Variants in RPIA observed in about 807,000 individuals in gnomAD.
RPIA encodes the protein ribose-5-phosphate isomerase.
A neutral mutation model predicts 37.8 loss-of-function variants in RPIA; 29 were observed. The observed-to-expected ratio is 0.77, with a 90% confidence interval of 0.57 to 1.05. The LOEUF (loss-of-function observed/expected upper bound fraction) is 1.05, where lower values mean the gene tolerates loss of function less well. Among genes scored for constraint, RPIA ranks in the 50% least tolerant of loss-of-function variants. The probability of loss-of-function intolerance (pLI) is 0.00; values close to 1 mark genes in which losing one functional copy is unlikely to be tolerated. For missense variants in RPIA, 385 were observed against 413.6 expected (o/e 0.93, Z 0.60); for synonymous variants, 167 against 157.0 (o/e 1.06, Z -0.48).
At chr2:88,707,657 A>G (rs1672913970) in intron 3 of RPIA, among the ~76,000 whole-genome samples, 1 of 152,234 alleles carries the variant, frequency 6.6e-6, no homozygotes, top group African/African-American at 2.4e-5. Context: ...CAGTTTCATT[A>G]GAATTGTGTA....
Position 88,703,668 on chromosome 2 carries a change from A to G in RPIA, c.402+3604A>G, listed in dbSNP as rs184732082. On this transcript the variant is annotated intron_variant, in intron 3 of 8. Transcript: ENST00000283646. ...CCTAGGCCTCCAGGTGTGTGATGGG[A>G]GGGGCTTCCATGAAGACCTCTGACA... Among the ~76,000 whole-genome samples, 374 of 152,282 alleles carry G rather than the reference A, an allele frequency of 2.5e-3. 1 individual carries two copies. The highest frequency in any genetic ancestry group is 8.5e-3 in the African/African-American group (354 of 41,550).
At chr2:88,739,651 T>C (rs912734247) in intron 8 of RPIA, among the ~76,000 whole-genome samples, 6 of 152,218 alleles carry the variant, frequency 3.9e-5, no homozygotes, top group Admixed American at 1.3e-4. Context: ...AGGGTCTCGC[T>C]CTGTCACCCA....
chr2:88,728,040 TTG>T (rs1673219750), intron 3 of RPIA, among the ~76,000 whole-genome samples: 2 of 152,348 alleles, frequency 1.3e-5, no homozygotes, highest in Middle Eastern at 6.8e-3. Context: ...CCCCTGAATC[TTG>T]TTATTTAGAA....
In RPIA at chr2:88,721,561, ACACACACACACC is replaced by A. The variant is rs1188077899; in HGVS notation, c.403-7715_403-7704del. Among the ~76,000 whole-genome samples the A allele has an allele frequency of 2.4e-3, 165 of 67,820 alleles. 2 individuals carry two copies. The highest frequency in any genetic ancestry group is 7.8e-3 in the African/African-American group (150 of 19,258). 44.5% of individuals were successfully genotyped at this position (67,820 alleles called of 152,430 possible). On this transcript the variant is annotated intron_variant, in intron 3 of 8. Coordinates refer to ENST00000283646, the MANE Select transcript of RPIA (RefSeq NM_144563.3). The stretch of plus-strand genomic sequence containing the variant: ...ATATATTATACACACACACACACAC[ACACACACACACC>A]CCCCCCCCCACATGCACACATGTTT...
At chr2:88,730,309 T>C (rs1340247539) in intron 4 of RPIA, among the ~76,000 whole-genome samples, 1 of 99,516 alleles carries the variant, frequency 1.0e-5, no homozygotes, top group African/African-American at 9.0e-5. Flanking sequence ...TGATGAACAT[T>C]GATGCAAAAA....
At chr2:88,696,826 T>G (rs1672754005) in intron 1 of RPIA, among the ~76,000 whole-genome samples, 1 of 152,184 alleles carries the variant, frequency 6.6e-6, no homozygotes, top group African/African-American at 2.4e-5. Flanking sequence ...GATGTTGAAG[T>G]GCTATGGGTG....
At chr2:88,723,945 A>G (rs1466433757) in intron 3 of RPIA, among the ~76,000 whole-genome samples, 1 of 152,140 alleles carries the variant, frequency 6.6e-6, no homozygotes, top group East Asian at 1.9e-4. Context: ...ATAAGTATAT[A>G]AGAGACAAAT....
chr2:88,692,498 C>A (rs764583203), intron 1 of RPIA, among the ~76,000 whole-genome samples: 5 of 152,330 alleles, frequency 3.3e-5, no homozygotes, highest in African/African-American at 9.6e-5. Flanking sequence ...GGGCTTCAAA[C>A]TTCCTTCTTT....
chr2:88,734,046 C>T (rs1478071724), intron 4 of RPIA, among the ~76,000 whole-genome samples: 1 of 151,422 alleles, frequency 6.6e-6, no homozygotes, highest in Non-Finnish European at 1.5e-5. Flanking sequence ...CTTAAAATTG[C>T]CTGTGAGGTT....
chr2:88,736,245 G>A (rs1227255223), intron 6 of RPIA, among the ~76,000 whole-genome samples: 1 of 152,184 alleles, frequency 6.6e-6, no homozygotes, highest in Non-Finnish European at 1.5e-5. Flanking sequence ...TCAAATATGT[G>A]TATGTGTATA....
chr2:88,693,119 A>T (rs1020114744), intron 1 of RPIA, among the ~76,000 whole-genome samples: 4 of 152,266 alleles, frequency 2.6e-5, no homozygotes, highest in African/African-American at 9.6e-5. Context: ...AAATTGAGAC[A>T]ATAAGCTGAA....
At chr2:88,700,137 T>C (rs1369848198) in intron 3 of RPIA, 73 bp downstream of exon 3, 1 of 1,425,316 alleles carries the variant, frequency 7.0e-7, no homozygotes, top group African/African-American at 1.4e-5. Context: ...TGTGGACCTA[T>C]GGCCTTGTCT....
chr2:88,705,566 A>G (rs937024079), intron 3 of RPIA, among the ~76,000 whole-genome samples: 1 of 152,224 alleles, frequency 6.6e-6, no homozygotes, highest in Non-Finnish European at 1.5e-5. Context: ...CTCAAGATGG[A>G]TTAAGGAACT....
In RPIA at chr2:88,736,659, A is replaced by T. The variant is rs1285531799; in HGVS notation, c.721A>T (p.Met241Leu). Residue 241 changes from methionine (M) to leucine (L), a missense_variant, in exon 7 of 9, where the codon ATG becomes TTG. Physicochemically the swap from Met to Leu is conservative, Grantham distance 15. Around this residue, in one of 2 missense-constraint regions of RPIA, gnomAD observed 153 missense variants for 210.6 expected, o/e 0.73. Transcript: ENST00000283646. Reference protein sequence around the residue: ...QKFGGVVELRMAVNKAGPVVT... With the variant: ...QKFGGVVELRLAVNKAGPVVT... Reference sequence around the variant, plus strand: ...GTTTGGGGGCGTGGTTGAACTTCGAATGGCTGTCAACAAGGCTGTGAGTGG... The same window carrying T: ...GTTTGGGGGCGTGGTTGAACTTCGATTGGCTGTCAACAAGGCTGTGAGTGG... 1 of 1,613,530 alleles carries T rather than the reference A, an allele frequency of 6.2e-7. No individual in the cohort carries two copies. The highest frequency in any genetic ancestry group is 8.5e-7 in the Non-Finnish European group (1 of 1,179,564).
In RPIA at chr2:88,691,739, T is replaced by G; in HGVS notation, c.41T>G (p.Val14Gly). The change falls in exon 1 of 9, where the codon GTC (valine) becomes GGC (glycine). Residue 14 changes from valine to glycine, a missense_variant. Val to Gly is a moderately radical substitution (Grantham distance 109). Coordinates refer to ENST00000283646, the MANE Select transcript of RPIA (RefSeq NM_144563.3). ...CCCTTCAGCACCCTCTACGGGCGGG[T>G]CTTGGCCCCGCTGCCCGGGAGGGCC... The part of the protein sequence containing the change: ...PGPFSTLYGR[V>G]LAPLPGRAGG... The G allele has an allele frequency of 1.3e-6, 2 of 1,595,708 alleles. No individual in the cohort carries two copies. Among genetic ancestry groups the G allele is most frequent in the Non-Finnish European group, 1.7e-6 (2 of 1,176,034 alleles).
chr2:88,738,275 A>G (rs996333602), intron 8 of RPIA, among the ~76,000 whole-genome samples, 199 bp downstream of exon 8: 7 of 152,132 alleles, frequency 4.6e-5, no homozygotes, highest in East Asian at 1.9e-4. Flanking sequence ...TTGCTTACCT[A>G]GCAGCTTTGT....
intron 3 of RPIA, 129 bp from the exon 4 acceptor site, chr2:88,729,149 G>T: frequency 3.3e-6 from 3 of 911,742 alleles, no homozygotes; most frequent in Non-Finnish European, 5.3e-6. Flanking sequence ...CCTACCTCAT[G>T]GTGGGCCATG....
chr2:88,700,906 A>C lies in RPIA; in HGVS notation c.402+842A>C, dbSNP rs536390296. On this transcript the variant is annotated intron_variant, in intron 3 of 8. Transcript: ENST00000283646. ...TGGATTAGTCAAGATGATACTATGC[A>C]CTGGGGTAGGAGATGAGATTTATGA... Among the ~76,000 whole-genome samples the C allele has an allele frequency of 8.1e-4, 123 of 152,278 alleles. 4 individuals carry two copies. The South Asian group carries it at 0.024, about 30-fold the overall frequency.
intron 6 of RPIA, 148 bp downstream of exon 6, chr2:88,735,885 G>C: frequency 1.3e-6 from 1 of 799,396 alleles, no homozygotes; most frequent in Non-Finnish European, 2.2e-6. Context: ...CAGTGTCTAG[G>C]AGACCTTATG....
Sources: gnomAD v4.1 joint callset for allele counts (sites outside exome capture counted in the v4.1 genomes callset) on GRCh38, gnomAD v4.1.1 for gene constraint, gnomAD v4.1.1 regional missense constraint, MANE v1.5 for transcripts, NCBI Gene and HGNC (gene_info 2026-07-23, HGNC 2026-07-21) for gene names.